STK3: variants seen among roughly 807,000 people sequenced by gnomAD.
The protein encoded by STK3 is serine/threonine kinase 3.
A neutral mutation model predicts 58.0 loss-of-function variants in STK3; 41 were observed. The observed-to-expected ratio is 0.71, with a 90% CI of 0.55 to 0.92. STK3 has a LOEUF of 0.92. STK3 is among the 40% of genes least tolerant of loss of function. The probability of loss-of-function intolerance (pLI) is 0.00; values close to 1 mark genes in which losing one functional copy is unlikely to be tolerated. For missense variants in STK3, 479 were observed against 602.7 expected, an observed-to-expected ratio of 0.79 and a Z score of 2.15; for synonymous variants, 170 against 191.0, an observed-to-expected ratio of 0.89 and a Z score of 0.91.
In STK3 at chr8:98,760,735, CT is replaced by C. The variant is rs1830566713; in HGVS notation, c.236+6507del. Among the ~76,000 whole-genome samples the C allele has an allele frequency of 2.7e-5, 4 of 150,562 alleles. No homozygotes were observed. The South Asian group carries it at 8.4e-4, about 32-fold the overall frequency. On this transcript the variant is annotated intron_variant, in intron 3 of 10. Coordinates refer to ENST00000419617, the MANE Select transcript of STK3 (RefSeq NM_006281.4). Reference sequence around the variant, plus strand: ...TTCTTTTTTTTGAGGGGGTGGGGGGCTTCTGGGCTTCCTCTCATCTCATACC... The same window carrying C: ...TTCTTTTTTTTGAGGGGGTGGGGGGCTCTGGGCTTCCTCTCATCTCATACC...
intron 10 of STK3, among the ~76,000 whole-genome samples, chr8:98,500,228 T>C (rs913079761): frequency 6.6e-6 from 1 of 152,060 alleles, no homozygotes. Flanking sequence ...GCTATATCAC[T>C]GGCTTTGAAA....
intron 10 of STK3, among the ~76,000 whole-genome samples, chr8:98,511,493 C>A (rs967377819): frequency 6.6e-6 from 1 of 151,948 alleles, no homozygotes; most frequent in Non-Finnish European, 1.5e-5. Context: ...ATTGATGCTA[C>A]CCTAAATACA....
chr8:98,451,959 T>G (rs1216113445), downstream of STK3, among the ~76,000 whole-genome samples: 1 of 151,996 alleles, frequency 6.6e-6, no homozygotes, highest in Non-Finnish European at 1.5e-5. Context: ...ATTAAATGCC[T>G]ATGCCTAATA....
chr8:98,888,817 T>A (rs1838090699), intron 1 of STK3, among the ~76,000 whole-genome samples: 2 of 152,268 alleles, frequency 1.3e-5, no homozygotes, highest in African/African-American at 4.8e-5. Context: ...ATTTCCAGTC[T>A]GCTCTCTCAG....
chr8:98,825,823 GCCCC>G (rs1835255176), upstream of STK3: 4 of 59,454 alleles, frequency 6.7e-5, no homozygotes, highest in African/African-American at 2.6e-4. Context: ...CGGCCGCCCC[GCCCC>G]GCCCCCGGCC....
chr8:98,696,969 T>C (rs1825004929), intron 6 of STK3, among the ~76,000 whole-genome samples: 1 of 152,238 alleles, frequency 6.6e-6, no homozygotes, highest in Non-Finnish European at 1.5e-5. Context: ...AGAATTCGGC[T>C]GTGAATCCAT....
At chr8:98,668,614 T>C (rs979647843) in intron 6 of STK3, among the ~76,000 whole-genome samples, 1 of 152,208 alleles carries the variant, frequency 6.6e-6, no homozygotes, top group African/African-American at 2.4e-5. Context: ...AAAATCTTTT[T>C]TCAGATTACT....
At chr8:98,605,437 T>G (rs1816701405) in intron 6 of STK3, among the ~76,000 whole-genome samples, 1 of 150,038 alleles carries the variant, frequency 6.7e-6, no homozygotes, top group African/African-American at 2.4e-5. Flanking sequence ...GCACACCTTT[T>G]TTTTTTTTTT....
rs2131135388 is a variant in STK3 at position 98,455,723 on chromosome 8, T to A, written c.*119A>T. The stretch of plus-strand genomic sequence containing the variant: ...TTACCTGGGCATGTACCATTGTCAC[T>A]TTTTGACCTCTGCCTAATTGTAGGG... On this transcript the variant is annotated 3_prime_UTR_variant, in exon 11 of 11. Transcript: ENST00000419617. 7.8e-7 allele frequency: 1 copy of A among 1,278,120 alleles called. No homozygotes were observed. Among genetic ancestry groups the A allele is most frequent in the East Asian group, 2.5e-5 (1 of 39,614 alleles). The allele number at this position is 1,278,120 out of a possible 1,614,324, so 79.2% of individuals were successfully genotyped here. A position where few individuals can be genotyped will look rare whatever the true frequency, so the allele number is the denominator to read the frequency against.
chr8:98,610,326 G>C (rs1055406395), intron 6 of STK3, among the ~76,000 whole-genome samples: 29 of 152,138 alleles, frequency 1.9e-4, no homozygotes, highest in Non-Finnish European at 4.0e-4. Context: ...AGCAGTTTTT[G>C]TATCATCTGG....
chr8:98,915,910 C>A (rs1023663538), intron 1 of STK3, among the ~76,000 whole-genome samples: 4 of 152,108 alleles, frequency 2.6e-5, no homozygotes, highest in African/African-American at 9.7e-5. Flanking sequence ...GATAGCTTTT[C>A]CAGAAACTAT....
chr8:98,743,370 C>G (rs1829377658), intron 4 of STK3, among the ~76,000 whole-genome samples: 1 of 151,978 alleles, frequency 6.6e-6, no homozygotes, highest in Non-Finnish European at 1.5e-5. Flanking sequence ...CAGCATGGTA[C>G]TGGTACCAAA....
At position 98,443,169 on chromosome 8, in the gene STK3, A is replaced by G. The variant is rs541681830; in HGVS notation, n.186-5961T>C. On this transcript the variant is annotated intron_variant and non_coding_transcript_variant, in intron 1 of 3. Coordinates refer to the STK3 transcript ENST00000517832. ...TAGAGAAACTCATGTCTCTCCCTTT[A>G]GAAACTGGGGTATATTCTTTCAGGC... Among the ~76,000 whole-genome samples, 7 of 152,308 alleles carry G rather than the reference A, an allele frequency of 4.6e-5. No individual in the cohort carries two copies. In the East Asian group the frequency reaches 1.4e-3, roughly 29 times the overall value.
intron 3 of STK3, among the ~76,000 whole-genome samples, chr8:98,870,066 T>C (rs1213285912): frequency 1.3e-5 from 2 of 152,138 alleles, no homozygotes; most frequent in Non-Finnish European, 2.9e-5. Context: ...CATTGTTCGA[T>C]TCCCACCTAT....
intron 6 of STK3, among the ~76,000 whole-genome samples, chr8:98,611,849 G>C (rs1206957776): frequency 6.6e-6 from 1 of 151,968 alleles, no homozygotes; most frequent in African/African-American, 2.4e-5. Flanking sequence ...ATCACTGCAT[G>C]AATCAAACAG....
chr8:98,936,444 C>A (rs1840200375), intron 1 of STK3, among the ~76,000 whole-genome samples: 1 of 152,140 alleles, frequency 6.6e-6, no homozygotes, highest in South Asian at 2.1e-4. Context: ...ACCACAAGGC[C>A]TACCATACCA....
At chr8:98,893,486 GAGAAAGAAAGAAAGAAAGAAAGAA>G (rs570277403) in intron 1 of STK3, among the ~76,000 whole-genome samples, 10 of 42,994 alleles carry the variant, frequency 2.3e-4, no homozygotes, top group Admixed American at 7.9e-4. Context: ...AAGAAAGAAA[GAGAAAGAAAGAAAGAAAGAAAGAA>G]AGAAAGAAAG....
chr8:98,701,367 C>T (rs1285755758), intron 6 of STK3, among the ~76,000 whole-genome samples: 1 of 152,138 alleles, frequency 6.6e-6, no homozygotes, highest in Non-Finnish European at 1.5e-5. Flanking sequence ...CCTATAATCC[C>T]AGTACTTTGG....
intron 6 of STK3, among the ~76,000 whole-genome samples, chr8:98,644,495 G>A (rs896345505): frequency 1.3e-5 from 2 of 152,018 alleles, no homozygotes; most frequent in African/African-American, 4.8e-5. Flanking sequence ...ATTTCCTTAT[G>A]TTGTTTACAG....
Sources: allele counts gnomAD v4.1 joint callset (sites outside exome capture counted in the v4.1 genomes callset), GRCh38; gene constraint gnomAD v4.1.1; transcripts MANE v1.5; gene names NCBI Gene and HGNC (gene_info 2026-07-23, HGNC 2026-07-21).